The following HELB variants were observed in gnomAD, a reference collection of about 807,000 sequenced individuals.
HELB encodes DNA 5'-3' helicase B.
In HELB, 96 loss-of-function variants were observed where a neutral mutation model predicts 101.7. That is an observed-to-expected ratio of 0.94 (90% CI 0.80 to 1.12). HELB has a LOEUF of 1.12. HELB is among the 50% of genes most tolerant of loss of function. HELB has a pLI of 0.00. For synonymous variants in HELB, 437 were observed against 459.7 expected, an observed-to-expected ratio of 0.95 and a Z score of 0.63; for missense variants, 1,210 against 1,291.9, an observed-to-expected ratio of 0.94 and a Z score of 0.97.
chr12:66,318,581 A>G lies in HELB; in HGVS notation c.2001-57A>G. On this transcript the variant is annotated intron_variant, in intron 6 of 12. Coordinates refer to ENST00000247815, the MANE Select transcript of HELB (RefSeq NM_001370285.1). The stretch of plus-strand genomic sequence containing the variant: ...ATAAGGACATTAGCTCTGATCATAT[A>G]TGAAGACATTTTTGGATGATAATGT... 3 of 1,489,396 alleles carry G rather than the reference A, an allele frequency of 2.0e-6. No homozygotes were observed. The East Asian group carries it at 6.9e-5, about 34-fold the overall frequency. The allele number at this position is 1,489,396 out of a possible 1,614,324, so 92.3% of individuals were successfully genotyped here. A position where few individuals can be genotyped will look rare whatever the true frequency, so the allele number is the denominator to read the frequency against.
rs2053686346 is a variant in HELB, at chr12:66,322,788, G to A, written c.2297+5G>A. ...CTACACAGGCCACCTCACCAAGTGA[G>A]TGTCTTCGAGAACTGAAACTTTTAA... On this transcript the variant is annotated splice_donor_5th_base_variant and intron_variant, in intron 9 of 12. Coordinates refer to ENST00000247815, the MANE Select transcript of HELB (RefSeq NM_001370285.1). 6.3e-7 allele frequency: 1 copy of A among 1,592,076 alleles called. No individual in the cohort carries two copies. Among genetic ancestry groups the A allele is most frequent in the African/African-American group, 1.4e-5 (1 of 73,748 alleles).
rs1169430774 is a variant in HELB at position 66,317,001 on chromosome 12, A to G, written c.2000+1618A>G. 3.5e-5 allele frequency among the ~76,000 whole-genome samples: 5 copies of G among 142,168 alleles called. 1 individual carries two copies. The highest frequency in any genetic ancestry group is 7.6e-5 in the Non-Finnish European group (5 of 65,876). 93.3% of individuals were successfully genotyped at this position (142,168 alleles called of 152,430 possible). Reference sequence around the variant, plus strand: ...GCCACTGCACTCCAGCCTGGGTGATACAGCAAGACTCCATCTCAAAAAAAA... The same window carrying G: ...GCCACTGCACTCCAGCCTGGGTGATGCAGCAAGACTCCATCTCAAAAAAAA... On this transcript the variant is annotated intron_variant, in intron 6 of 12. Coordinates refer to ENST00000247815, the MANE Select transcript of HELB (RefSeq NM_001370285.1).
At chr12:66,309,644 A>G in intron 3 of HELB, 62 bp from the exon 4 acceptor site, 1 of 1,116,466 alleles carries the variant, frequency 9.0e-7, no homozygotes, top group Non-Finnish European at 1.3e-6. Flanking sequence ...AATTATTAAT[A>G]AAGAACATAT....
At chr12:66,331,674 T>A in intron 12 of HELB, 29 bp downstream of exon 12, 4 of 1,565,150 alleles carry the variant, frequency 2.6e-6, no homozygotes, top group Non-Finnish European at 2.6e-6. Context: ...TGTTCCCAAG[T>A]TTTATTTAAA....
chr12:66,325,370 C>T lies in HELB; in HGVS notation c.2670+244C>T, dbSNP rs190686736. ...CCTCCTTCAGGTCTTCCCCTCCCTG[C>T]CTGAGTCTCCAGTATGGCTTGGCAT... On this transcript the variant is annotated intron_variant, in intron 11 of 12. Transcript: ENST00000247815. Among the ~76,000 whole-genome samples the T allele has an allele frequency of 3.3e-5, 5 of 152,290 alleles. No individual in the cohort carries two copies. The East Asian group carries it at 9.6e-4, about 29-fold the overall frequency.
chr12:66,340,609 T>TGG (rs71096095), downstream of HELB: 417 of 129,462 alleles, frequency 3.2e-3, no homozygotes, highest in East Asian at 0.013. Flanking sequence ...TATATATATG[T>TGG]GGGGGGGGGG....
At chr12:66,329,944 G>C (rs907733549) in intron 11 of HELB, among the ~76,000 whole-genome samples, 2 of 152,118 alleles carry the variant, frequency 1.3e-5, no homozygotes. Flanking sequence ...AGCAACATCG[G>C]AAAGATGTAT....
chr12:66,302,832 A>G (rs1284829650), intron 1 of HELB, 42 bp downstream of exon 1: 1 of 1,521,538 alleles, frequency 6.6e-7, no homozygotes, highest in South Asian at 1.2e-5. Context: ...TGGAGGGTCC[A>G]AAGTAGCGCT....
Position 66,324,227 on chromosome 12 carries a change from A to G in HELB, c.2526+16A>G. On this transcript the variant is annotated intron_variant, in intron 10 of 12. Coordinates refer to ENST00000247815, the MANE Select transcript of HELB (RefSeq NM_001370285.1). Reference sequence around the variant, plus strand: ...CATAACAAATGTAAGTGAAAACAGAAGATAATATCTTTTAACTAATTAGAG... The same window carrying G: ...CATAACAAATGTAAGTGAAAACAGAGGATAATATCTTTTAACTAATTAGAG... 2.7e-6 allele frequency: 4 copies of G among 1,508,040 alleles called. No homozygotes were observed. Among genetic ancestry groups the G allele is most frequent in the East Asian group, 2.3e-5 (1 of 44,252 alleles). The allele number at this position is 1,508,040 out of a possible 1,614,324, so 93.4% of individuals were successfully genotyped here. A position where few individuals can be genotyped will look rare whatever the true frequency, so the allele number is the denominator to read the frequency against.
In HELB at chr12:66,302,574, C is replaced by G. The variant is rs766080318; in HGVS notation, c.-30C>G. 38 of 1,600,496 alleles carry G rather than the reference C, an allele frequency of 2.4e-5. No individual in the cohort carries two copies. The highest frequency in any genetic ancestry group is 3.3e-5 in the Admixed American group (2 of 59,708). On this transcript the variant is annotated 5_prime_UTR_variant, in exon 1 of 13. Coordinates refer to ENST00000247815, the MANE Select transcript of HELB (RefSeq NM_001370285.1). ...ACCATGCAGTTAGCCAGGGTTTTCC[C>G]GAGTTGTTTGGGTTGAGTTCAGGAG...
At chr12:66,328,123 A>C (rs1408961318) in intron 11 of HELB, among the ~76,000 whole-genome samples, 2 of 152,130 alleles carry the variant, frequency 1.3e-5, no homozygotes, top group African/African-American at 4.8e-5. Context: ...TATGAGGTAA[A>C]GAGGGCAGGA....
At chr12:66,317,505 G>A (rs1001243036) in intron 6 of HELB, among the ~76,000 whole-genome samples, 5 of 152,072 alleles carry the variant, frequency 3.3e-5, no homozygotes, top group African/African-American at 1.2e-4. Flanking sequence ...CCCATTTTTG[G>A]TAGACGATTA....
At chr12:66,317,443 G>A (rs1296214768) in intron 6 of HELB, among the ~76,000 whole-genome samples, 1 of 152,168 alleles carries the variant, frequency 6.6e-6, no homozygotes, top group African/African-American at 2.4e-5. Flanking sequence ...TAATGGAGTT[G>A]GATGTAGAAT....
chr12:66,331,756 A>T, intron 12 of HELB, 111 bp downstream of exon 12: 1 of 1,060,442 alleles, frequency 9.4e-7, no homozygotes, highest in South Asian at 1.6e-5. Context: ...GTTGGACTTA[A>T]AAACAATTGT....
chr12:66,318,605 G>T (rs768496960), intron 6 of HELB, 33 bp from the exon 7 acceptor site: 1 of 1,563,694 alleles, frequency 6.4e-7, no homozygotes, highest in African/African-American at 1.4e-5. Context: ...GGATGATAAT[G>T]TTCTTTGTGT....
At chr12:66,328,956 T>A (rs2053774930) in intron 11 of HELB, among the ~76,000 whole-genome samples, 1 of 152,236 alleles carries the variant, frequency 6.6e-6, no homozygotes, top group African/African-American at 2.4e-5. Context: ...TGTTCTAGAC[T>A]ATTTTAAGGA....
downstream of HELB, chr12:66,340,667 T>C (rs1168296): frequency 0.42 from 79,965 of 191,364 alleles, 17,491 homozygotes; most frequent in East Asian, 0.51. Flanking sequence ...GGTCCCACAA[T>C]AGGTTGTCTG....
intron 7 of HELB, among the ~76,000 whole-genome samples, chr12:66,319,375 T>C (rs140281967): frequency 4.4e-4 from 67 of 152,290 alleles, no homozygotes; most frequent in Non-Finnish European, 8.5e-4. Context: ...ATATGACCTG[T>C]GTCATGTCAC....
rs1321293311 is a variant in HELB at position 66,331,490 on chromosome 12, G to A, written c.3007G>A (p.Ala1003Thr). ...AMTNDVTWSE[A>T]SSPDERTLTF... The stretch of plus-strand genomic sequence containing the variant: ...GACAAATGATGTCACCTGGAGCGAG[G>A]CCTCTTCGCCTGATGAGAGGACACT... Residue 1003 changes from alanine to threonine, a missense_variant, in exon 12 of 13, where the codon GCC (alanine) becomes ACC (threonine). Ala to Thr is a moderately conservative substitution (Grantham distance 58). Transcript: ENST00000247815. The A allele has an allele frequency of 1.2e-6, 2 of 1,614,166 alleles. No homozygotes were observed. Among genetic ancestry groups the A allele is most frequent in the African/African-American group, 1.3e-5 (1 of 75,042 alleles).
Sources: gnomAD v4.1 joint callset for allele counts (sites outside exome capture counted in the v4.1 genomes callset) on GRCh38, gnomAD v4.1.1 for gene constraint, MANE v1.5 for transcripts, NCBI Gene and HGNC (gene_info 2026-07-23, HGNC 2026-07-21) for gene names.